The following BIRC2 variants were observed in gnomAD, a reference collection of about 807,000 sequenced individuals.
The protein encoded by BIRC2 is baculoviral IAP repeat-containing protein 2.
Under a neutral mutation model 60.9 loss-of-function variants are expected in BIRC2, and 18 were observed. The ratio of observed to expected loss-of-function variants is 0.30; its 90% CI spans 0.20 to 0.44. The LOEUF (loss-of-function observed/expected upper bound fraction) is 0.44. Ranked by LOEUF, BIRC2 falls within the 20% of genes least tolerant of loss-of-function variation. The probability of loss-of-function intolerance (pLI) is 1.00; values close to 1 mark genes in which losing one functional copy is unlikely to be tolerated. For synonymous variants in BIRC2, 282 were observed against 247.7 expected (o/e 1.14, Z -1.30); for missense variants, 701 against 728.5 (o/e 0.96, Z 0.43).
Position 102,348,701 on chromosome 11 carries a change from C to A in BIRC2, c.-1154C>A. 1 of 395,920 alleles carries A rather than the reference C, an allele frequency of 2.5e-6. No homozygotes were observed. The highest frequency in any genetic ancestry group is 4.9e-6 in the Non-Finnish European group (1 of 202,054). The allele number at this position is 395,920 out of a possible 1,614,324, so 24.5% of individuals were successfully genotyped here. On this transcript the variant is annotated 5_prime_UTR_variant, in exon 2 of 9. Coordinates refer to ENST00000227758, the MANE Select transcript of BIRC2 (RefSeq NM_001166.5). Reference sequence around the variant, plus strand: ...TTTATAAAGGGATATAGTTTGAATTCTATGGAGTGTAATTTTGTGTATGAA... The same window carrying A: ...TTTATAAAGGGATATAGTTTGAATTATATGGAGTGTAATTTTGTGTATGAA...
chr11:102,354,983 G>A (rs1951405360), intron 3 of BIRC2, among the ~76,000 whole-genome samples: 1 of 120,932 alleles, frequency 8.3e-6, no homozygotes, highest in Admixed American at 9.0e-5. Flanking sequence ...AGTTGTATAA[G>A]TTCCTTAAAT....
At position 102,350,099 on chromosome 11, in the gene BIRC2, A is replaced by C. The variant is rs375296936; in HGVS notation, c.245A>C (p.Lys82Thr). The C allele has an allele frequency of 1.2e-6, 2 of 1,614,194 alleles. No homozygotes were observed. The highest frequency in any genetic ancestry group is 2.2e-5 in the East Asian group (1 of 44,882). Residue 82 changes from lysine to threonine, a missense_variant, in exon 2 of 9, where the codon AAA becomes ACA. Transcript: ENST00000227758. ...TATACTGGTGTGAATGACAAGGTCA[A>C]ATGCTTCTGTTGTGGCCTGATGCTG... ...FYYTGVNDKV[K>T]CFCCGLMLDN...
intron 6 of BIRC2, among the ~76,000 whole-genome samples, chr11:102,370,085 G>A (rs1194518217): frequency 6.6e-6 from 1 of 151,436 alleles, no homozygotes; most frequent in African/African-American, 2.4e-5. Flanking sequence ...AGATGAGTAG[G>A]TTGCGAAAAT....
At position 102,356,602 on chromosome 11, in the gene BIRC2, A is replaced by G. The variant is rs1951424267; in HGVS notation, c.995+5659A>G. Among the ~76,000 whole-genome samples, 3 of 151,642 alleles carry G rather than the reference A, an allele frequency of 2.0e-5. No individual in the cohort carries two copies. The South Asian group carries it at 6.3e-4, about 32-fold the overall frequency. ...TATAGCTAAATTGGTGAGAATTTTT[A>G]TCCTGAAAGGGTGTTGAATTTTGTC... On this transcript the variant is annotated intron_variant, in intron 3 of 8. Transcript: ENST00000227758.
rs1314456932 is a variant in BIRC2 at position 102,377,588 on chromosome 11, G to A, written c.1459G>A (p.Val487Ile). ...PILDNLLKAN[V>I]INKQEHDIIK... ...CCTGGATAATCTTTTAAAGGCCAAT[G>A]TAATTAATAAACAGGAACATGATAT... The change falls in exon 7 of 9, where the codon GTA becomes ATA. Residue 487 changes from valine to isoleucine, a missense_variant. Physicochemically the swap from Val to Ile is conservative, Grantham distance 29. Around this residue, in one of 4 missense-constraint regions of BIRC2, gnomAD observed 235 missense variants for 208.9 expected, o/e 1.12. Coordinates refer to ENST00000227758, the MANE Select transcript of BIRC2 (RefSeq NM_001166.5). 1.9e-6 allele frequency: 3 copies of A among 1,611,508 alleles called. No homozygotes were observed. The Admixed American group carries it at 5.0e-5, about 27-fold the overall frequency.
Position 102,350,560 on chromosome 11 carries a change from G to C in BIRC2, c.706G>C (p.Ala236Pro). ...CAGTAACTGGGAACCAAAGGATGAT[G>C]CTATGTCAGAACACCGGAGGCATTT... is the stretch of plus-strand genomic sequence containing the variant. Reference protein sequence around the residue: ...KLSNWEPKDDAMSEHRRHFPN... With the variant: ...KLSNWEPKDDPMSEHRRHFPN... The change falls in exon 2 of 9, where the codon GCT becomes CCT. Residue 236 changes from alanine (A) to proline (P), a missense_variant. Around this residue, in one of 4 missense-constraint regions of BIRC2, gnomAD observed 375 missense variants for 365.9 expected, o/e 1.02. Transcript: ENST00000227758. 6.2e-7 allele frequency: 1 copy of C among 1,614,192 alleles called. No individual in the cohort carries two copies. The highest frequency in any genetic ancestry group is 8.5e-7 in the Non-Finnish European group (1 of 1,180,032).
chr11:102,368,778 T>C (rs368877760), intron 6 of BIRC2, among the ~76,000 whole-genome samples: 1 of 152,198 alleles, frequency 6.6e-6, no homozygotes, highest in African/African-American at 2.4e-5. Context: ...CTCTGATTTA[T>C]GCCAATCAGA....
Position 102,368,292 on chromosome 11 carries a change from T to C in BIRC2, c.1124-14T>C. The C allele has an allele frequency of 4.4e-6, 7 of 1,605,562 alleles. No homozygotes were observed. The highest frequency in any genetic ancestry group is 1.1e-5 in the South Asian group (1 of 90,006). On this transcript the variant is annotated splice_polypyrimidine_tract_variant and intron_variant, in intron 5 of 8. Coordinates refer to ENST00000227758, the MANE Select transcript of BIRC2 (RefSeq NM_001166.5). ...TTTGTGGAATTTAATATTAGCATGT[T>C]TCTTTTCAAATAGTTATTCATTTTG...
At chr11:102,366,007 T>C (rs1951549551) in intron 5 of BIRC2, among the ~76,000 whole-genome samples, 1 of 152,220 alleles carries the variant, frequency 6.6e-6, no homozygotes, top group Non-Finnish European at 1.5e-5. Context: ...TTTTTCAAAC[T>C]TCAAAATGTT....
rs958497734 is a variant in BIRC2, at chr11:102,347,507, A to T, written c.-1258+131A>T. On this transcript the variant is annotated intron_variant, in intron 1 of 8. Coordinates refer to ENST00000227758, the MANE Select transcript of BIRC2 (RefSeq NM_001166.5). The stretch of plus-strand genomic sequence containing the variant: ...CCTGAGGCCCTTCGGCCAAGGGTCG[A>T]GGGTCGCCGGGGGCTCTCTGCTTTC... 4 of 152,308 alleles carry T rather than the reference A, an allele frequency of 2.6e-5. No individual in the cohort carries two copies. In the East Asian group the frequency reaches 7.7e-4, roughly 29 times the overall value. 9.4% of individuals were successfully genotyped at this position (152,308 alleles called of 1,614,324 possible).
At chr11:102,370,498 G>A (rs1210142485) in intron 6 of BIRC2, among the ~76,000 whole-genome samples, 1 of 145,180 alleles carries the variant, frequency 6.9e-6, no homozygotes, top group Non-Finnish European at 1.5e-5. Context: ...TTATTTCTGA[G>A]GGCTCTGTTC....
intron 3 of BIRC2, among the ~76,000 whole-genome samples, chr11:102,354,401 G>T (rs1249188238): frequency 2.0e-5 from 3 of 152,068 alleles, no homozygotes; most frequent in Non-Finnish European, 4.4e-5. Flanking sequence ...TAGAGACGGG[G>T]TTTCACCATG....
chr11:102,349,693 CT>C lies in BIRC2; in HGVS notation c.-161del, dbSNP rs1232800582. 5.7e-5 allele frequency: 41 copies of C among 714,966 alleles called. No homozygotes were observed. Among genetic ancestry groups the C allele is most frequent in the Middle Eastern group, 7.2e-4 (2 of 2,784 alleles). 44.3% of individuals were successfully genotyped at this position (714,966 alleles called of 1,614,324 possible). ...AGTATCTTGGTAATTCAGAGAGATA[CT>C]CATCCTACCTGAATATAAACTGAGA... On this transcript the variant is annotated 5_prime_UTR_variant, in exon 2 of 9. Coordinates refer to ENST00000227758, the MANE Select transcript of BIRC2 (RefSeq NM_001166.5).
intron 4 of BIRC2, among the ~76,000 whole-genome samples, chr11:102,363,413 A>G (rs1044784049): frequency 6.6e-6 from 1 of 152,168 alleles, no homozygotes; most frequent in Admixed American, 6.5e-5. Flanking sequence ...TTATTTTCCA[A>G]ATGAAATGAG....
chr11:102,354,872 T>C (rs995473327), intron 3 of BIRC2, among the ~76,000 whole-genome samples: 18 of 152,158 alleles, frequency 1.2e-4, no homozygotes, highest in Non-Finnish European at 2.4e-4. Context: ...CATGTACCTG[T>C]TGGCCATTTG....
intron 6 of BIRC2, among the ~76,000 whole-genome samples, chr11:102,373,050 C>A (rs1260026861): frequency 1.3e-5 from 2 of 150,576 alleles, no homozygotes; most frequent in Admixed American, 6.6e-5. Context: ...TTATTTTGAG[C>A]CTATGTGTGT....
chr11:102,365,837 C>T (rs928300618), intron 5 of BIRC2, among the ~76,000 whole-genome samples: 5 of 152,102 alleles, frequency 3.3e-5, no homozygotes, highest in African/African-American at 1.2e-4. Flanking sequence ...AAGCAATCTG[C>T]CTGCCTCGGC....
intron 3 of BIRC2, among the ~76,000 whole-genome samples, chr11:102,361,716 T>A (rs1008633243): frequency 6.6e-6 from 1 of 152,154 alleles, no homozygotes; most frequent in Non-Finnish European, 1.5e-5. Context: ...TCTTTGCCAC[T>A]GAGGACTGTA....
At chr11:102,375,360 G>A (rs751860710) in intron 6 of BIRC2, among the ~76,000 whole-genome samples, 14 of 152,212 alleles carry the variant, frequency 9.2e-5, no homozygotes, top group South Asian at 4.1e-4. Flanking sequence ...GGAGTATTGC[G>A]TTGGAAGATG....
Sources: gnomAD v4.1 joint callset for allele counts (sites outside exome capture counted in the v4.1 genomes callset) on GRCh38, gnomAD v4.1.1 for gene constraint, gnomAD v4.1.1 regional missense constraint, MANE v1.5 for transcripts, NCBI Gene and HGNC (gene_info 2026-07-23, HGNC 2026-07-21) for gene names.